Variants in MYO5A observed in about 807,000 individuals in gnomAD.
MYO5A encodes the protein myosin VA, also known as unconventional myosin-Va.
A neutral mutation model predicts 249.7 loss-of-function variants in MYO5A; 98 were observed. The observed-to-expected ratio is 0.39, with a 90% CI of 0.33 to 0.46. The LOEUF (loss-of-function observed/expected upper bound fraction) is 0.46. MYO5A is among the 20% of genes least tolerant of loss of function. MYO5A has a pLI of 0.98. For synonymous variants in MYO5A, 778 were observed against 810.6 expected (o/e 0.96, Z 0.68); for missense variants, 1,696 against 2,308.8 (o/e 0.73, Z 5.44).
chr15:52,376,935 T>A (rs2041446532), intron 18 of MYO5A, among the ~76,000 whole-genome samples: 1 of 152,150 alleles, frequency 6.6e-6, no homozygotes, highest in Non-Finnish European at 1.5e-5. Context: ...GGCTGTATAT[T>A]CCATGAGAAG....
chr15:52,410,335 G>C lies in MYO5A; in HGVS notation c.754C>G (p.Gln252Glu). ...YLLEKSRVVF[Q>E]AEEERNYHIF... ...ATATGTGTATATGGCCAGCTTACCT[G>C]GAATACCACTCTGGATTTCTCTAAA... The change falls in exon 6 of 42, where the codon CAG becomes GAG. Residue 252 changes from glutamine (Q) to glutamate (E), a missense_variant and splice_region_variant. Physicochemically the swap from Gln to Glu is conservative, Grantham distance 29. Around this residue, in one of 5 missense-constraint regions of MYO5A, gnomAD observed 197 missense variants for 320.3 expected, o/e 0.62. Coordinates refer to ENST00000399233, the MANE Select transcript of MYO5A (RefSeq NM_001382347.1). 2.5e-6 allele frequency: 4 copies of C among 1,613,484 alleles called. No individual in the cohort carries two copies. The highest frequency in any genetic ancestry group is 3.4e-6 in the Non-Finnish European group (4 of 1,179,656).
At position 52,319,057 on chromosome 15, in the gene MYO5A, C is replaced by T; in HGVS notation, c.5234+3G>A. The T allele has an allele frequency of 6.2e-7, 1 of 1,614,124 alleles. No homozygotes were observed. Among genetic ancestry groups the T allele is most frequent in the Non-Finnish European group, 8.5e-7 (1 of 1,180,048 alleles). On this transcript the variant is annotated splice_donor_region_variant and intron_variant, in intron 39 of 41. Coordinates refer to ENST00000399233, the MANE Select transcript of MYO5A (RefSeq NM_001382347.1). ...ACTGTCGCAGGTGTTGGCATTTGCTCACCTGATCTGCATGCCTTTACTCCA... is the reference window on the plus strand; with the variant it reads ...ACTGTCGCAGGTGTTGGCATTTGCTTACCTGATCTGCATGCCTTTACTCCA...
intron 5 of MYO5A, among the ~76,000 whole-genome samples, chr15:52,411,346 C>T (rs913648157): frequency 6.6e-6 from 1 of 152,022 alleles, no homozygotes; most frequent in African/African-American, 2.4e-5. Flanking sequence ...AATTTAAAGG[C>T]CATTTTCAGA....
chr15:52,483,602 A>T (rs994157792), intron 1 of MYO5A, among the ~76,000 whole-genome samples: 1 of 152,188 alleles, frequency 6.6e-6, no homozygotes, highest in Non-Finnish European at 1.5e-5. Context: ...CTCAGCACTC[A>T]GTTTTCCTTC....
intron 1 of MYO5A, among the ~76,000 whole-genome samples, chr15:52,501,198 C>T (rs191406053): frequency 3.2e-4 from 49 of 152,158 alleles, no homozygotes; most frequent in Middle Eastern, 3.4e-3. Flanking sequence ...GTCTCCATCT[C>T]CTGACCTCAT....
chr15:52,319,388 C>A lies in MYO5A; in HGVS notation c.4952-46G>T, dbSNP rs200042104. 3.2e-4 allele frequency: 508 copies of A among 1,587,200 alleles called. 4 individuals are homozygous for A. The African/African-American group carries it at 6.2e-3, about 19-fold the overall frequency. On this transcript the variant is annotated intron_variant, in intron 38 of 41. Coordinates refer to ENST00000399233, the MANE Select transcript of MYO5A (RefSeq NM_001382347.1). ...TTAGAGGAGATGATGTGGAAGGGAA[C>A]CTTTCATGTGCACATATCCATGTGC...
At chr15:52,450,340 C>T (rs2075989168) in intron 1 of MYO5A, among the ~76,000 whole-genome samples, 1 of 151,616 alleles carries the variant, frequency 6.6e-6, no homozygotes, top group South Asian at 2.1e-4. Flanking sequence ...GATATGTGAC[C>T]TATTCTCATT....
At chr15:52,383,016 T>C (rs2041822284) in intron 16 of MYO5A, 75 bp downstream of exon 16, 2 of 1,271,160 alleles carry the variant, frequency 1.6e-6, no homozygotes, top group Non-Finnish European at 2.3e-6. Flanking sequence ...GTAAGGAAAA[T>C]ATTAGTTTGC....
At chr15:52,506,109 T>C (rs959981689) in intron 1 of MYO5A, among the ~76,000 whole-genome samples, 1 of 151,998 alleles carries the variant, frequency 6.6e-6, no homozygotes, top group African/African-American at 2.4e-5. Flanking sequence ...CCCAGCACTT[T>C]AGGAGGCCGA....
At chr15:52,509,586 G>A (rs191254401) in intron 1 of MYO5A, among the ~76,000 whole-genome samples, 5 of 152,318 alleles carry the variant, frequency 3.3e-5, no homozygotes, top group African/African-American at 1.2e-4. Context: ...TCCCATACTT[G>A]TAACACACAA....
chr15:52,433,816 G>C (rs189712202), intron 1 of MYO5A, among the ~76,000 whole-genome samples: 2 of 152,134 alleles, frequency 1.3e-5, no homozygotes, highest in East Asian at 3.9e-4. Context: ...TGAAAAAACA[G>C]TTATGATCAA....
rs1054270402 is a variant in MYO5A at position 52,372,003 on chromosome 15, G to A, written c.2817+121C>T. On this transcript the variant is annotated intron_variant, in intron 21 of 41. Coordinates refer to ENST00000399233, the MANE Select transcript of MYO5A (RefSeq NM_001382347.1). ...CCATGCCCATTATGGAAATAAATACGGTCATAATTTTACTTTTTACTAAGA... is the reference window on the plus strand; with the variant it reads ...CCATGCCCATTATGGAAATAAATACAGTCATAATTTTACTTTTTACTAAGA... 1.7e-5 allele frequency: 24 copies of A among 1,412,278 alleles called. No individual in the cohort carries two copies. In the East Asian group the frequency reaches 1.8e-4, roughly 11 times the overall value. 87.5% of individuals were successfully genotyped at this position (1,412,278 alleles called of 1,614,324 possible).
At chr15:52,498,912 TTGA>T (rs561010032) in intron 1 of MYO5A, among the ~76,000 whole-genome samples, 21 of 152,346 alleles carry the variant, frequency 1.4e-4, no homozygotes, top group African/African-American at 4.3e-4. Context: ...TGGTAAAGAC[TTGA>T]TGAATTTCTA....
chr15:52,402,000 T>G (rs2042779720), intron 9 of MYO5A, among the ~76,000 whole-genome samples: 2 of 152,194 alleles, frequency 1.3e-5, no homozygotes, highest in African/African-American at 4.8e-5. Context: ...TAGCTCCTTC[T>G]ATTTTGTTTC....
At chr15:52,348,145 T>A (rs1489110150) in intron 29 of MYO5A, among the ~76,000 whole-genome samples, 2 of 152,212 alleles carry the variant, frequency 1.3e-5, no homozygotes, top group Non-Finnish European at 2.9e-5. Flanking sequence ...AGCTAAAAAG[T>A]GGCACTTGGG....
intron 5 of MYO5A, among the ~76,000 whole-genome samples, chr15:52,413,017 T>C (rs2043315389): frequency 2.0e-5 from 3 of 151,902 alleles, no homozygotes; most frequent in Non-Finnish European, 2.9e-5. Flanking sequence ...CGTGGTGGCA[T>C]GTGCCTGTAA....
chr15:52,338,004 G>C, intron 32 of MYO5A, 120 bp from the exon 33 acceptor site: 1 of 651,700 alleles, frequency 1.5e-6, no homozygotes, highest in East Asian at 2.8e-5. Flanking sequence ...ATATATACTT[G>C]AAAGGCTCTG....
At chr15:52,443,707 C>CAA (rs72495071) in intron 1 of MYO5A, among the ~76,000 whole-genome samples, 172 of 82,132 alleles carry the variant, frequency 2.1e-3, no homozygotes, top group Non-Finnish European at 3.4e-3. Context: ...GACTCCATCT[C>CAA]AAAAAAAAAA....
At chr15:52,421,013 G>A (rs1409673833) in intron 4 of MYO5A, among the ~76,000 whole-genome samples, 4 of 152,050 alleles carry the variant, frequency 2.6e-5, no homozygotes, top group Admixed American at 2.0e-4. Context: ...TTACATGCCT[G>A]GCACCATGTT....
Sources: allele counts gnomAD v4.1 joint callset (sites outside exome capture counted in the v4.1 genomes callset), GRCh38; gene constraint gnomAD v4.1.1; regional missense constraint gnomAD v4.1.1; transcripts MANE v1.5; gene names NCBI Gene and HGNC (gene_info 2026-07-23, HGNC 2026-07-21).